The following ADAR variants were observed in gnomAD, a reference collection of about 807,000 sequenced individuals.
ADAR encodes double-stranded RNA-specific adenosine deaminase.
ADAR carries 41 observed loss-of-function variants against 113.2 expected under a neutral mutation model. The ratio of observed to expected loss-of-function variants is 0.36; its 90% CI spans 0.28 to 0.47. The LOEUF (loss-of-function observed/expected upper bound fraction) is 0.47. ADAR is among the 20% of genes least tolerant of loss of function. The pLI is 1.00. For synonymous variants in ADAR, 605 were observed against 572.6 expected (o/e 1.06, Z -0.81); for missense variants, 1,242 against 1,540.9 (o/e 0.81, Z 3.25).
chr1:154,597,688 A>T, intron 4 of ADAR, 140 bp downstream of exon 4: 1 of 1,132,392 alleles, frequency 8.8e-7, no homozygotes, highest in Non-Finnish European at 1.3e-6. Flanking sequence ...AGCAGCAACC[A>T]GGACCTCAGA....
At chr1:154,590,146 C>G (rs760133194) in intron 7 of ADAR, 38 bp downstream of exon 7, 3 of 1,167,544 alleles carry the variant, frequency 2.6e-6, no homozygotes, top group Admixed American at 1.7e-5. Context: ...GGAGGACCCC[C>G]CCGCCCCAAA....
upstream of ADAR, among the ~76,000 whole-genome samples, chr1:154,610,819 AAAAAG>A (rs549423013): frequency 0.021 from 765 of 36,442 alleles, 88 homozygotes; most frequent in African/African-American, 0.066. Context: ...AAAAAAAAAA[AAAAAG>A]AAAAAAAAAA....
rs754169463 is a variant in ADAR, at chr1:154,586,341, T to C, written c.3042A>G (p.Glu1014=). The C allele has an allele frequency of 1.9e-6, 3 of 1,614,170 alleles. No individual in the cohort carries two copies. Among genetic ancestry groups the C allele is most frequent in the East Asian group, 2.2e-5 (1 of 44,874 alleles). ...CCCACGTAGGCACAATGTCACTGGATTCCACAGGGATTGTGCCTTCTCCTG... is the reference window on the plus strand; with the variant it reads ...CCCACGTAGGCACAATGTCACTGGACTCCACAGGGATTGTGCCTTCTCCTG... The part of the protein sequence containing the change: ...VENGEGTIPV[E]SSDIVPTWDG... Residue 1014 remains glutamate, a synonymous_variant, in exon 12 of 15, where the codon GAA becomes GAG. Transcript: ENST00000368474.
rs375799026 is a variant in ADAR at position 154,614,743 on chromosome 1, A to G, written c.-870-12117T>C. ...ATTCTGTCTTCTTAATAGAATTTAG[A>G]GGAAATATGCTCTGCTGTCTCCCTG... On this transcript the variant is annotated intron_variant, in intron 1 of 14. Coordinates refer to the ADAR transcript ENST00000368471. 2.4e-4 allele frequency among the ~76,000 whole-genome samples: 37 copies of G among 152,342 alleles called. 3 individuals carry two copies. The highest frequency in any genetic ancestry group is 2.1e-3 in the Admixed American group (32 of 15,302).
intron 1 of ADAR, among the ~76,000 whole-genome samples, chr1:154,626,859 T>A (rs1222951630): frequency 6.6e-6 from 1 of 152,156 alleles, no homozygotes; most frequent in East Asian, 1.9e-4. Context: ...TGTTTGTAAA[T>A]AACGACCAAG....
rs190473249 is a variant in ADAR, at chr1:154,605,420, G to A, written c.15+2572C>T. On this transcript the variant is annotated intron_variant, in intron 1 of 14. Transcript: ENST00000368474. Reference sequence around the variant, plus strand: ...CCTGTTAAACCATTTACTTTCCCTCGTATCAGAGCTACTGGATTTTTTTTT... The same window carrying A: ...CCTGTTAAACCATTTACTTTCCCTCATATCAGAGCTACTGGATTTTTTTTT... Among the ~76,000 whole-genome samples, 734 of 137,984 alleles carry A rather than the reference G, an allele frequency of 5.3e-3. 8 individuals carry two copies. The highest frequency in any genetic ancestry group is 5.8e-3 in the Non-Finnish European group (375 of 64,836). 90.5% of individuals were successfully genotyped at this position (137,984 alleles called of 152,430 possible). A position where few individuals can be genotyped will look rare whatever the true frequency, so the allele number is the denominator to read the frequency against.
At chr1:154,589,695 A>T (rs1696995954) in intron 8 of ADAR, 62 bp downstream of exon 8, 1 of 1,596,982 alleles carries the variant, frequency 6.3e-7, no homozygotes, top group African/African-American at 1.3e-5. Context: ...ACTCCAGGGG[A>T]GGATGAGAGG....
At chr1:154,603,209 A>T (rs61300392) in intron 1 of ADAR, among the ~76,000 whole-genome samples, 11,018 of 152,202 alleles carry the variant, frequency 0.072, 445 homozygotes, top group East Asian at 0.19. Flanking sequence ...GATGAAACTG[A>T]ACCCCAGTCC....
At chr1:154,607,293 C>T (rs1456066362) in intron 1 of ADAR, among the ~76,000 whole-genome samples, 2 of 152,140 alleles carry the variant, frequency 1.3e-5, no homozygotes, top group Non-Finnish European at 2.9e-5. Context: ...AACAGTATTT[C>T]CTCTTCACTA....
upstream of ADAR, among the ~76,000 whole-genome samples, chr1:154,609,425 T>TAAA (rs939129356): frequency 6.6e-6 from 1 of 152,236 alleles, no homozygotes; most frequent in Admixed American, 6.5e-5. Context: ...AGTCCCTTTA[T>TAAA]AGCAGTATCT....
chr1:154,588,816 G>C, intron 9 of ADAR, 143 bp from the exon 10 acceptor site: 1 of 1,194,964 alleles, frequency 8.4e-7, no homozygotes, highest in Non-Finnish European at 1.2e-6. Flanking sequence ...AAATTCTCCA[G>C]GGGAGACCTC....
At chr1:154,610,824 G>GAAAAAAAAAAAAAAAAAAAAAAAAA (rs1298389364), upstream of ADAR, among the ~76,000 whole-genome samples, 2 of 65,202 alleles carry the variant, frequency 3.1e-5, no homozygotes, top group Admixed American at 2.1e-4. Flanking sequence ...AAAAAAAAAA[G>GAAAAAAAAAAAAAAAAAAAAAAAAA]AAAAAAAAAA....
At position 154,586,215 on chromosome 1, in the gene ADAR, G is replaced by C. The variant is rs756504123; in HGVS notation, c.3168C>G (p.Phe1056Leu). ...CAGATTTGAGATAAATGGGCTGCAG[G>C]AAGTGGGTCAACAGTGCCCCTTGCA... The part of the protein sequence containing the change: ...LGLQGALLTH[F>L]LQPIYLKSVT... Residue 1056 changes from phenylalanine (F) to leucine (L), a missense_variant, in exon 12 of 15, where the codon TTC (phenylalanine) becomes TTG (leucine). Around this residue, in one of 2 missense-constraint regions of ADAR, gnomAD observed 780 missense variants for 1,057.9 expected, o/e 0.74. Coordinates refer to ENST00000368474, the MANE Select transcript of ADAR (RefSeq NM_001111.5). 5 of 1,614,230 alleles carry C rather than the reference G, an allele frequency of 3.1e-6. No homozygotes were observed. Among genetic ancestry groups the C allele is most frequent in the Non-Finnish European group, 4.2e-6 (5 of 1,180,044 alleles).
intron 11 of ADAR, among the ~76,000 whole-genome samples, chr1:154,586,824 G>A (rs1172210292): frequency 6.6e-6 from 1 of 152,154 alleles, no homozygotes. Flanking sequence ...GGCTGTTCAG[G>A]CGCCTGACAG....
intron 13 of ADAR, 119 bp downstream of exon 13, chr1:154,585,634 C>T: frequency 1.0e-6 from 1 of 992,832 alleles, no homozygotes; most frequent in Non-Finnish European, 1.6e-6. Context: ...GCAATGTTCC[C>T]TTGTGGGCTA....
At chr1:154,591,051 T>C (rs752118101) in intron 6 of ADAR, among the ~76,000 whole-genome samples, 34 of 152,318 alleles carry the variant, frequency 2.2e-4, no homozygotes, top group Non-Finnish European at 4.3e-4. Flanking sequence ...GGAAACTTTG[T>C]TTCACTACTG....
At chr1:154,626,829 C>A (rs1347076491) in intron 1 of ADAR, among the ~76,000 whole-genome samples, 1 of 152,178 alleles carries the variant, frequency 6.6e-6, no homozygotes, top group Admixed American at 6.5e-5. Flanking sequence ...TTCCCTTTTT[C>A]CCATATAGCA....
intron 1 of ADAR, among the ~76,000 whole-genome samples, chr1:154,607,714 G>A (rs1571129479): frequency 2.7e-5 from 4 of 150,904 alleles, no homozygotes; most frequent in Admixed American, 6.6e-5. Flanking sequence ...AATGCTGCTT[G>A]GCAAGACTAC....
chr1:154,589,590 T>G (rs1696987462), intron 8 of ADAR, 128 bp from the exon 9 acceptor site: 1 of 1,186,950 alleles, frequency 8.4e-7, no homozygotes. Context: ...GACTCCCATA[T>G]TCTCTCCTCT....
Sources: gnomAD v4.1 joint callset for allele counts (sites outside exome capture counted in the v4.1 genomes callset) on GRCh38, gnomAD v4.1.1 for gene constraint, gnomAD v4.1.1 regional missense constraint, MANE v1.5 for transcripts, NCBI Gene and HGNC (gene_info 2026-07-23, HGNC 2026-07-21) for gene names.